FBXL20: variants seen among roughly 807,000 people sequenced by gnomAD.
FBXL20 encodes F-box/LRR-repeat protein 20.
Under a neutral mutation model 64.0 loss-of-function variants are expected in FBXL20, and 11 were observed. That is an observed-to-expected ratio of 0.17 (90% CI 0.11 to 0.28). The LOEUF is 0.28. Ranked by LOEUF, FBXL20 falls within the 10% of genes least tolerant of loss-of-function variation. The pLI, the probability that FBXL20 is intolerant of heterozygous loss-of-function variation, is 1.00. For synonymous variants in FBXL20, 184 were observed against 189.0 expected (o/e 0.97, Z 0.22); for missense variants, 303 against 526.2 (o/e 0.58, Z 4.15).
At chr17:39,315,829 C>CAGAGAG (rs141728220) in intron 2 of FBXL20, among the ~76,000 whole-genome samples, 6,597 of 129,478 alleles carry the variant, frequency 0.051, 330 homozygotes, top group South Asian at 0.091. Context: ...GAGAGAGAGA[C>CAGAGAG]AGAGAGAGAG....
At chr17:39,329,902 G>A (rs985437435) in intron 2 of FBXL20, among the ~76,000 whole-genome samples, 1 of 152,158 alleles carries the variant, frequency 6.6e-6, no homozygotes, top group Admixed American at 6.6e-5. Context: ...GCTGGAATGG[G>A]AGAATTGCTT....
At chr17:39,274,164 G>A (rs1410671733) in intron 10 of FBXL20, among the ~76,000 whole-genome samples, 2 of 152,124 alleles carry the variant, frequency 1.3e-5, no homozygotes, top group African/African-American at 2.4e-5. Context: ...TGTGCGCCTC[G>A]GCACTCAGCC....
rs540793415 is a variant in FBXL20 at position 39,313,430 on chromosome 17, G to A, written c.105-9791C>T. Reference sequence around the variant, plus strand: ...GTATTTTTAGTAGAGACAGCGTTTCGCCATGTTGGCCAGGCTGGTCTCAAA... The same window carrying A: ...GTATTTTTAGTAGAGACAGCGTTTCACCATGTTGGCCAGGCTGGTCTCAAA... On this transcript the variant is annotated intron_variant, in intron 2 of 14. Transcript: ENST00000264658. Among the ~76,000 whole-genome samples the A allele has an allele frequency of 4.0e-5, 6 of 149,456 alleles. No homozygotes were observed. The South Asian group carries it at 6.4e-4, about 16-fold the overall frequency.
intron 5 of FBXL20, 97 bp from the exon 6 acceptor site, chr17:39,297,292 G>A (rs1053384164): frequency 7.2e-6 from 5 of 692,910 alleles, no homozygotes; most frequent in African/African-American, 1.8e-5. Context: ...AATATTGATT[G>A]TTGATATCTG....
intron 1 of FBXL20, among the ~76,000 whole-genome samples, chr17:39,384,785 C>T (rs2048061324): frequency 6.6e-6 from 1 of 151,782 alleles, no homozygotes; most frequent in Non-Finnish European, 1.5e-5. Flanking sequence ...TGGTGAAACC[C>T]CGTCTCTACT....
chr17:39,353,901 AGAGT>A (rs1216432962), intron 1 of FBXL20, among the ~76,000 whole-genome samples: 2 of 151,962 alleles, frequency 1.3e-5, no homozygotes, highest in East Asian at 3.9e-4. Flanking sequence ...TGGGGTTACA[AGAGT>A]GAGCCACCGC....
intron 2 of FBXL20, among the ~76,000 whole-genome samples, chr17:39,337,267 C>T (rs1597805677): frequency 2.0e-5 from 3 of 152,176 alleles, no homozygotes; most frequent in South Asian, 2.1e-4. Flanking sequence ...GGATTGCAGA[C>T]GGAGTCTCGT....
Position 39,260,038 on chromosome 17 carries a change from G to C in FBXL20, c.*1422C>G, listed in dbSNP as rs1395015702. ...GGCAGAAAAGAGAGATGACTGACAG[G>C]TTATGGGAAGGTTCTGGCCCTTTGG... On this transcript the variant is annotated 3_prime_UTR_variant, in exon 15 of 15. Coordinates refer to ENST00000264658, the MANE Select transcript of FBXL20 (RefSeq NM_032875.3). 1 of 150,362 alleles carries C rather than the reference G, an allele frequency of 6.7e-6. No homozygotes were observed. Among genetic ancestry groups the C allele is most frequent in the Non-Finnish European group, 1.5e-5 (1 of 67,796 alleles). The allele number at this position is 150,362 out of a possible 1,614,324, so 9.3% of individuals were successfully genotyped here.
At position 39,340,223 on chromosome 17, in the gene FBXL20, A is replaced by C. The variant is rs541548572; in HGVS notation, c.104+2957T>G. Reference sequence around the variant, plus strand: ...GCGATTCTCCTGCCTCAGCCTCCCGAGTGGCTGGGATTACAGGCATGTGCC... The same window carrying C: ...GCGATTCTCCTGCCTCAGCCTCCCGCGTGGCTGGGATTACAGGCATGTGCC... On this transcript the variant is annotated intron_variant, in intron 2 of 14. Coordinates refer to ENST00000264658, the MANE Select transcript of FBXL20 (RefSeq NM_032875.3). Among the ~76,000 whole-genome samples, 4 of 152,228 alleles carry C rather than the reference A, an allele frequency of 2.6e-5. No individual in the cohort carries two copies. The South Asian group carries it at 6.2e-4, about 24-fold the overall frequency.
chr17:39,258,237 T>C lies in FBXL20; in HGVS notation c.*3223A>G, dbSNP rs2046712315. The C allele has an allele frequency of 6.6e-6, 1 of 152,228 alleles. No individual in the cohort carries two copies. The highest frequency in any genetic ancestry group is 1.5e-5 in the Non-Finnish European group (1 of 68,044). The allele number at this position is 152,228 out of a possible 1,614,324, so 9.4% of individuals were successfully genotyped here. The stretch of plus-strand genomic sequence containing the variant: ...AAGCCTTACTGAATTTTCAAAAGTA[T>C]CCCAGATGTTGAGAGAGGAAGCATT... On this transcript the variant is annotated 3_prime_UTR_variant, in exon 15 of 15. Transcript: ENST00000264658.
chr17:39,268,947 C>G, intron 11 of FBXL20, 76 bp from the exon 12 acceptor site: 2 of 1,265,378 alleles, frequency 1.6e-6, no homozygotes, highest in South Asian at 1.2e-5. Context: ...GGACAGAAAA[C>G]TAAGAGGTAA....
chr17:39,389,043 G>C (rs1353548444), intron 1 of FBXL20, among the ~76,000 whole-genome samples: 1 of 135,704 alleles, frequency 7.4e-6, no homozygotes, highest in Non-Finnish European at 1.5e-5. Flanking sequence ...GGCGGAGGTT[G>C]TAGTAAGCTG....
At chr17:39,377,752 C>T (rs1476344793) in intron 1 of FBXL20, among the ~76,000 whole-genome samples, 4 of 152,242 alleles carry the variant, frequency 2.6e-5, no homozygotes, top group African/African-American at 9.6e-5. Context: ...TCCGCTCCCC[C>T]TAGGCCTCCC....
intron 1 of FBXL20, among the ~76,000 whole-genome samples, chr17:39,363,827 C>CAAAAAAAAAAAAAAACAAAAAA (rs1555612706): frequency 1.3e-5 from 1 of 78,028 alleles, no homozygotes; most frequent in African/African-American, 5.5e-5. Context: ...AAAAAAAAAA[C>CAAAAAAAAAAAAAAACAAAAAA]AAAAAACAAA....
chr17:39,377,837 G>A (rs2047982964), intron 1 of FBXL20, among the ~76,000 whole-genome samples: 1 of 152,138 alleles, frequency 6.6e-6, no homozygotes, highest in Non-Finnish European at 1.5e-5. Flanking sequence ...GCTCTATCTA[G>A]GCAGCGGGCA....
At chr17:39,353,281 T>C (rs1335498635) in intron 1 of FBXL20, among the ~76,000 whole-genome samples, 1 of 152,176 alleles carries the variant, frequency 6.6e-6, no homozygotes, top group Non-Finnish European at 1.5e-5. Flanking sequence ...CTAAACTTAC[T>C]AAAACTTACT....
chr17:39,394,533 T>G (rs2048164618), intron 1 of FBXL20, among the ~76,000 whole-genome samples: 1 of 151,234 alleles, frequency 6.6e-6, no homozygotes, highest in South Asian at 2.1e-4. Flanking sequence ...CACCTCAGCC[T>G]CCCAAAGTGC....
At chr17:39,294,318 C>T (rs1354191268) in intron 6 of FBXL20, among the ~76,000 whole-genome samples, 2 of 151,698 alleles carry the variant, frequency 1.3e-5, no homozygotes, top group Non-Finnish European at 2.9e-5. Context: ...CTTTGTTGCC[C>T]AGGCTGGAGT....
chr17:39,294,035 T>C (rs1197789913), intron 6 of FBXL20, among the ~76,000 whole-genome samples: 2 of 152,068 alleles, frequency 1.3e-5, no homozygotes, highest in Non-Finnish European at 2.9e-5. Context: ...CTCAGTCTTG[T>C]GCCACAAGTA....
Sources: allele counts gnomAD v4.1 joint callset (sites outside exome capture counted in the v4.1 genomes callset), GRCh38; gene constraint gnomAD v4.1.1; transcripts MANE v1.5; gene names NCBI Gene and HGNC (gene_info 2026-07-23, HGNC 2026-07-21).